The following EFCAB3 variants were observed in gnomAD, a reference collection of about 807,000 sequenced individuals.
The protein encoded by EFCAB3 is EF-hand calcium-binding domain-containing protein 3.
In EFCAB3, 36 loss-of-function variants were observed where a neutral mutation model predicts 42.2. That is an observed-to-expected ratio of 0.85 (90% CI 0.65 to 1.13). EFCAB3 has a LOEUF of 1.13. Ranked by LOEUF, EFCAB3 falls within the 50% of genes most tolerant of loss-of-function variation. EFCAB3 has a pLI of 0.00. For synonymous variants in EFCAB3, 170 were observed against 172.8 expected (o/e 0.98, Z 0.13); for missense variants, 418 against 505.1 (o/e 0.83, Z 1.65).
At chr17:62,393,144 T>C (rs2070318704) in intron 4 of EFCAB3, among the ~76,000 whole-genome samples, 1 of 152,206 alleles carries the variant, frequency 6.6e-6, no homozygotes. Context: ...AATTTTCTAT[T>C]ATTTCATGGA....
At chr17:62,382,492 G>A (rs1328321154) in intron 1 of EFCAB3, among the ~76,000 whole-genome samples, 2 of 152,092 alleles carry the variant, frequency 1.3e-5, no homozygotes, top group African/African-American at 4.8e-5. Context: ...ATACATTACA[G>A]TAGTATTATT....
At chr17:62,390,012 T>G (rs1374580560) in intron 3 of EFCAB3, among the ~76,000 whole-genome samples, 1 of 151,976 alleles carries the variant, frequency 6.6e-6, no homozygotes, top group Non-Finnish European at 1.5e-5. Flanking sequence ...GGTCTCGATC[T>G]CCTGACCTCG....
At position 62,416,259 on chromosome 17, in the gene EFCAB3, A is replaced by T. The variant is rs777472290; in HGVS notation, c.1247A>T (p.Asp416Val). 8 of 1,613,834 alleles carry T rather than the reference A, an allele frequency of 5.0e-6. No individual in the cohort carries two copies. Among genetic ancestry groups the T allele is most frequent in the Non-Finnish European group, 6.8e-6 (8 of 1,179,856 alleles). The change falls in exon 10 of 10, where the codon GAT becomes GTT. Residue 416 changes from aspartate to valine, a missense_variant. Physicochemically the swap from Asp to Val is radical, Grantham distance 152. Coordinates refer to ENST00000305286, the MANE Select transcript of EFCAB3 (RefSeq NM_173503.4). ...SHNSRSSSSS[D>V]TSECYTDSGR... Reference sequence around the variant, plus strand: ...AACTCCAGATCCTCTTCCTCATCAGATACCAGTGAATGTTACACAGACTCA... The same window carrying T: ...AACTCCAGATCCTCTTCCTCATCAGTTACCAGTGAATGTTACACAGACTCA...
intron 3 of EFCAB3, among the ~76,000 whole-genome samples, chr17:62,387,668 G>T (rs76018093): frequency 6.6e-6 from 1 of 151,928 alleles, no homozygotes; most frequent in South Asian, 2.1e-4. Context: ...AAGAACAAAC[G>T]CAAAAAGAAC....
intron 2 of EFCAB3, 92 bp downstream of exon 2, chr17:62,383,145 C>T (rs908288889): frequency 2.7e-5 from 33 of 1,222,592 alleles, no homozygotes; most frequent in Non-Finnish European, 3.4e-5. Flanking sequence ...GCAGGTTTTC[C>T]GATCTTTACT....
At position 62,395,613 on chromosome 17, in the gene EFCAB3, A is replaced by G. The variant is rs1307693981; in HGVS notation, c.488+425A>G. ...CTCTGACTCAGAGATGAGGTACAGC[A>G]AATTCAGACCTCCGAAAGTAGCCTT... On this transcript the variant is annotated intron_variant, in intron 6 of 9. Transcript: ENST00000305286. Among the ~76,000 whole-genome samples the G allele has an allele frequency of 2.6e-5, 4 of 152,198 alleles. No individual in the cohort carries two copies. The East Asian group carries it at 7.7e-4, about 29-fold the overall frequency.
At chr17:62,395,021 T>C in intron 5 of EFCAB3, 47 bp from the exon 6 acceptor site, 1 of 1,602,326 alleles carries the variant, frequency 6.2e-7, no homozygotes, top group South Asian at 1.1e-5. Flanking sequence ...GTCAATTTCT[T>C]ATTTCAGAAG....
intron 6 of EFCAB3, among the ~76,000 whole-genome samples, chr17:62,396,618 C>A (rs2070351877): frequency 6.6e-6 from 1 of 151,130 alleles, no homozygotes; most frequent in South Asian, 2.1e-4. Context: ...TATAGCCAGG[C>A]ACCATGGATC....
chr17:62,374,978 G>A (rs773769746), intron 2 of EFCAB3, among the ~76,000 whole-genome samples: 7 of 152,124 alleles, frequency 4.6e-5, no homozygotes, highest in Non-Finnish European at 7.4e-5. Flanking sequence ...GCCATGTGTG[G>A]TGGCATACAC....
In EFCAB3 at chr17:62,409,564, A is replaced by C. The variant is rs191052953; in HGVS notation, c.867+2352A>C. On this transcript the variant is annotated intron_variant, in intron 8 of 9. Transcript: ENST00000305286. Reference sequence around the variant, plus strand: ...ATCTCTAAAAATAAATTTTTTAATTAAAAATAAATTTAAAATAAAAATTTT... The same window carrying C: ...ATCTCTAAAAATAAATTTTTTAATTCAAAATAAATTTAAAATAAAAATTTT... 3.4e-3 allele frequency among the ~76,000 whole-genome samples: 521 copies of C among 152,108 alleles called. 2 individuals are homozygous for C. The highest frequency in any genetic ancestry group is 5.7e-3 in the Non-Finnish European group (387 of 67,996).
rs188483466 is a variant in EFCAB3 at position 62,388,880 on chromosome 17, T to G, written c.151+1464T>G. On this transcript the variant is annotated intron_variant, in intron 3 of 9. Transcript: ENST00000305286. Reference sequence around the variant, plus strand: ...ATAACAGCTTATGGTTTTATAGACCTTTAAGGTTTCTAAAGTGCCTTAAGA... The same window carrying G: ...ATAACAGCTTATGGTTTTATAGACCGTTAAGGTTTCTAAAGTGCCTTAAGA... Among the ~76,000 whole-genome samples, 138 of 152,340 alleles carry G rather than the reference T, an allele frequency of 9.1e-4. 1 individual carries two copies. The highest frequency in any genetic ancestry group is 3.2e-3 in the African/African-American group (132 of 41,582).
At chr17:62,373,119 A>G (rs1418014644) in intron 1 of EFCAB3, among the ~76,000 whole-genome samples, 1 of 151,902 alleles carries the variant, frequency 6.6e-6, no homozygotes, top group Admixed American at 6.6e-5. Context: ...CATCTCACTA[A>G]AAATAAAAAA....
At chr17:62,406,699 C>G (rs748035522) in intron 7 of EFCAB3, 26 bp downstream of exon 7, 1 of 1,610,820 alleles carries the variant, frequency 6.2e-7, no homozygotes, top group South Asian at 1.1e-5. Context: ...TCTCTCTCTA[C>G]TGTTGTAAAG....
intron 4 of EFCAB3, among the ~76,000 whole-genome samples, chr17:62,393,251 G>T (rs1293201632): frequency 6.6e-6 from 1 of 152,188 alleles, no homozygotes; most frequent in African/African-American, 2.4e-5. Flanking sequence ...AATAGGGGTG[G>T]TTATAGCATG....
At chr17:62,394,939 G>A in intron 5 of EFCAB3, 129 bp from the exon 6 acceptor site, 2 of 1,254,118 alleles carry the variant, frequency 1.6e-6, no homozygotes, top group Non-Finnish European at 2.2e-6. Context: ...AAATAGAACA[G>A]ACTTTTAATG....
At chr17:62,387,123 G>A (rs552819191) in intron 2 of EFCAB3, among the ~76,000 whole-genome samples, 1 of 152,178 alleles carries the variant, frequency 6.6e-6, no homozygotes, top group East Asian at 1.9e-4. Flanking sequence ...GAAGGGTGAT[G>A]GGCAAGTTTA....
At chr17:62,411,868 G>GGAAGGAAA (rs1304020325) in intron 8 of EFCAB3, among the ~76,000 whole-genome samples, 1 of 20,396 alleles carries the variant, frequency 4.9e-5, no homozygotes, top group Non-Finnish European at 2.5e-4. Context: ...AAGGAAGGAA[G>GGAAGGAAA]GAAGGAAGGA....
At position 62,383,211 on chromosome 17, in the gene EFCAB3, C is replaced by T. The variant is rs930888846; in HGVS notation, c.74+158C>T. Reference sequence around the variant, plus strand: ...AGATTATTGGCCAGATGCAGTGGCTCACACCTGTAATCTCAGCACTTTGGG... The same window carrying T: ...AGATTATTGGCCAGATGCAGTGGCTTACACCTGTAATCTCAGCACTTTGGG... On this transcript the variant is annotated intron_variant, in intron 2 of 9. Transcript: ENST00000305286. The T allele has an allele frequency of 2.6e-4, 167 of 630,630 alleles. No homozygotes were observed. In the African/African-American group the frequency reaches 3.0e-3, roughly 11 times the overall value. 39.1% of individuals were successfully genotyped at this position (630,630 alleles called of 1,614,324 possible). A position where few individuals can be genotyped will look rare whatever the true frequency, so the allele number is the denominator to read the frequency against.
intron 6 of EFCAB3, among the ~76,000 whole-genome samples, chr17:62,406,214 AC>A (rs2144105690): frequency 6.6e-6 from 1 of 152,276 alleles, no homozygotes; most frequent in Non-Finnish European, 1.5e-5. Context: ...TCTAAAAAAA[AC>A]AAAAACAAAA....
Sources: gnomAD v4.1 joint callset for allele counts (sites outside exome capture counted in the v4.1 genomes callset) on GRCh38, gnomAD v4.1.1 for gene constraint, MANE v1.5 for transcripts, NCBI Gene and HGNC (gene_info 2026-07-23, HGNC 2026-07-21) for gene names.